CFAP46: variants seen among roughly 807,000 people sequenced by gnomAD.
CFAP46 encodes cilia and flagella associated protein 46, also known as cilia- and flagella-associated protein 46.
A neutral mutation model predicts 325.7 loss-of-function variants in CFAP46; 245 were observed. That is an observed-to-expected ratio of 0.75 (90% CI 0.68 to 0.84). The LOEUF is 0.84. Ranked by LOEUF, CFAP46 falls within the 40% of genes least tolerant of loss-of-function variation. The probability of loss-of-function intolerance (pLI) is 0.00; values close to 1 mark genes in which losing one functional copy is unlikely to be tolerated. For synonymous variants in CFAP46, 1,523 were observed against 1,495.9 expected (o/e 1.02, Z -0.42); for missense variants, 3,346 against 3,543.0 (o/e 0.94, Z 1.41).
At chr10:132,903,915 T>C (rs770110148) in intron 22 of CFAP46, among the ~76,000 whole-genome samples, 1 of 152,216 alleles carries the variant, frequency 6.6e-6, no homozygotes, top group Non-Finnish European at 1.5e-5. Flanking sequence ...ATGAAATGTA[T>C]AATATATATT....
intron 38 of CFAP46, among the ~76,000 whole-genome samples, chr10:132,858,068 T>A (rs927881191): frequency 2.0e-5 from 3 of 152,234 alleles, no homozygotes; most frequent in Non-Finnish European, 4.4e-5. Context: ...CTGGGTCTGA[T>A]CAGCTAACTG....
chr10:132,811,521 G>A (rs1402382561), intron 55 of CFAP46, among the ~76,000 whole-genome samples: 2 of 152,178 alleles, frequency 1.3e-5, no homozygotes, highest in Non-Finnish European at 2.9e-5. Flanking sequence ...GGAGCCCCGG[G>A]CACTGGGCAT....
rs534625946 is a variant in CFAP46 at position 132,912,785 on chromosome 10, A to T, written c.2369T>A (p.Leu790Ter). 6 of 1,550,094 alleles carry T rather than the reference A, an allele frequency of 3.9e-6. No homozygotes were observed. In the African/African-American group the frequency reaches 6.8e-5, roughly 18 times the overall value. ...PVMLVTLCNT[L>*]ARGLIISWIP... ...CCAGCTGATGATCAGGCCTCGCGCC[A>T]AGGTGTTGCAGAGCGTCACCAGCAT... The change falls in exon 19 of 58, where the codon TTG becomes TAG. Residue 790 changes from leucine (L) to a stop codon, truncating the protein, a stop_gained. Transcript: ENST00000368586. LOFTEE classifies it high-confidence loss of function.
Position 132,939,680 on chromosome 10 carries a change from C to T in CFAP46, c.372-927G>A, listed in dbSNP as rs1256583004. On this transcript the variant is annotated intron_variant, in intron 4 of 57. Transcript: ENST00000368586. This position sits in a 1 kb window ranked among gnomAD's most constrained non-coding sequence, Gnocchi z 4.6. ...GAGAGGAGCGGAGGTGCGGGGTGTC[C>T]TGACCAGACGGTCACGCCTGCTTGA... Among the ~76,000 whole-genome samples the T allele has an allele frequency of 6.6e-6, 1 of 152,126 alleles. No individual in the cohort carries two copies. Among genetic ancestry groups the T allele is most frequent in the Non-Finnish European group, 1.5e-5 (1 of 68,020 alleles).
intron 24 of CFAP46, among the ~76,000 whole-genome samples, chr10:132,895,982 T>C (rs1450672608): frequency 1.7e-5 from 1 of 57,222 alleles, no homozygotes; most frequent in Non-Finnish European, 2.8e-5. Context: ...CTGTGTGCCA[T>C]GAGACACGGC....
chr10:132,900,694 G>A (rs1450359399), intron 22 of CFAP46, among the ~76,000 whole-genome samples: 1 of 152,280 alleles, frequency 6.6e-6, no homozygotes, highest in Non-Finnish European at 1.5e-5. Flanking sequence ...CCTAGGCAGG[G>A]CAGGAAGGAG....
In CFAP46 at chr10:132,912,730, C is replaced by G. The variant is rs1005249914; in HGVS notation, c.2424G>C (p.Arg808Ser). The G allele has an allele frequency of 8.4e-6, 13 of 1,550,210 alleles. No homozygotes were observed. The highest frequency in any genetic ancestry group is 9.6e-6 in the Non-Finnish European group (11 of 1,146,984). Reference protein sequence around the residue: ...WIPVQAAEKSRKFMRPNAFHS... With the variant: ...WIPVQAAEKSSKFMRPNAFHS... Reference sequence around the variant, plus strand: ...GAAACGCGTTTGGTCGCATGAATTTCCTGGACTTCTCGGCAGCCTGGACTG... The same window carrying G: ...GAAACGCGTTTGGTCGCATGAATTTGCTGGACTTCTCGGCAGCCTGGACTG... The change falls in exon 19 of 58, where the codon AGG becomes AGC. Residue 808 changes from arginine (R) to serine (S), a missense_variant. Coordinates refer to ENST00000368586, the MANE Select transcript of CFAP46 (RefSeq NM_001200049.3).
intron 44 of CFAP46, among the ~76,000 whole-genome samples, chr10:132,839,771 C>T (rs1399565880): frequency 1.3e-5 from 2 of 152,110 alleles, no homozygotes; most frequent in African/African-American, 4.8e-5. Context: ...TGCGATTTGT[C>T]TCCTTTTCCT....
At position 132,884,739 on chromosome 10, in the gene CFAP46, G is replaced by A. The variant is rs901835757; in HGVS notation, c.3627+364C>T. ...TCTCCTGTGCAGCCACCCGCCCATC[G>A]GGGCCCCTGCCTGCTCTCCTCTGCA... On this transcript the variant is annotated intron_variant, in intron 27 of 57. Transcript: ENST00000368586. This position sits in a 1 kb window ranked among gnomAD's most constrained non-coding sequence, Gnocchi z 5.4. Among the ~76,000 whole-genome samples the A allele has an allele frequency of 2.0e-5, 3 of 152,012 alleles. No homozygotes were observed. Among genetic ancestry groups the A allele is most frequent in the African/African-American group, 2.4e-5 (1 of 41,480 alleles).
Position 132,869,460 on chromosome 10 carries a change from G to T in CFAP46, c.4512-88C>A. On this transcript the variant is annotated intron_variant, in intron 32 of 57. Coordinates refer to ENST00000368586, the MANE Select transcript of CFAP46 (RefSeq NM_001200049.3). The surrounding 1 kb of genome is among the most constrained non-coding windows in gnomAD (Gnocchi z 6.2). ...CTACTAGTGTGCTTCACAGAAAACG[G>T]TCAACTAACACATCGAGGCACACTT... 1 of 889,610 alleles carries T rather than the reference G, an allele frequency of 1.1e-6. No individual in the cohort carries two copies. The highest frequency in any genetic ancestry group is 1.6e-6 in the Non-Finnish European group (1 of 619,144). The allele number at this position is 889,610 out of a possible 1,614,324, so 55.1% of individuals were successfully genotyped here.
At chr10:132,905,450 CTTT>C (rs71013581) in intron 22 of CFAP46, among the ~76,000 whole-genome samples, 5 of 130,048 alleles carry the variant, frequency 3.8e-5, no homozygotes, top group Middle Eastern at 4.0e-3. Flanking sequence ...CATATCTTTC[CTTT>C]TTTTTTTTTT....
In CFAP46 at chr10:132,860,886, C is replaced by A; in HGVS notation, c.4987G>T (p.Ala1663Ser). The A allele has an allele frequency of 6.4e-7, 1 of 1,550,862 alleles. No homozygotes were observed. The highest frequency in any genetic ancestry group is 8.7e-7 in the Non-Finnish European group (1 of 1,147,052). ...CTTCCGCCCAGGTGCTGGGCCTGTG[C>A]GATCATTTTCTTGGCTTGTCCATAG... ...KNYGQAKKMIAQAQHLGGSEE... is the reference protein window; with the variant it reads ...KNYGQAKKMISQAQHLGGSEE... The change falls in exon 36 of 58, where the codon GCA becomes TCA. Residue 1663 changes from alanine to serine, a missense_variant. Transcript: ENST00000368586.
At position 132,851,176 on chromosome 10, in the gene CFAP46, G is replaced by A; in HGVS notation, c.5704C>T (p.Leu1902=). Residue 1902 remains leucine, a synonymous_variant, in exon 40 of 58, where the codon CTG becomes TTG. Transcript: ENST00000368586. ...AHGQQSEQGS[L]EKLLADYLQN... ...AGATAGTCCGCCAGCAGCTTCTCCA[G>A]GGACCCCTGCTCACTCTGCTGCCCG... 1.2e-6 allele frequency: 2 copies of A among 1,614,094 alleles called. No homozygotes were observed. Among genetic ancestry groups the A allele is most frequent in the East Asian group, 2.2e-5 (1 of 44,878 alleles).
At position 132,832,781 on chromosome 10, in the gene CFAP46, G is replaced by A. The variant is rs41306930; in HGVS notation, c.7117+577C>T. On this transcript the variant is annotated intron_variant, in intron 50 of 57. Coordinates refer to ENST00000368586, the MANE Select transcript of CFAP46 (RefSeq NM_001200049.3). This position sits in a 1 kb window ranked among gnomAD's most constrained non-coding sequence, Gnocchi z 4.1. ...CAGCCGAGGTCAGGGCCTTCCGCGC[G>A]CTCCCTCGTGCTTTTCACTGTCTGA... is the stretch of plus-strand genomic sequence containing the variant. 5,723 of 471,088 alleles carry A rather than the reference G, an allele frequency of 0.012. 50 individuals are homozygous for A. Among genetic ancestry groups the A allele is most frequent in the Non-Finnish European group, 0.017 (3,895 of 227,020 alleles). 29.2% of individuals were successfully genotyped at this position (471,088 alleles called of 1,614,324 possible). A position where few individuals can be genotyped will look rare whatever the true frequency, so the allele number is the denominator to read the frequency against.
rs544106938 is a variant in CFAP46, at chr10:132,846,439, C to T, written c.6268-212G>A. Among the ~76,000 whole-genome samples, 13 of 152,132 alleles carry T rather than the reference C, an allele frequency of 8.5e-5. 1 individual carries two copies. Among genetic ancestry groups the T allele is most frequent in the South Asian group, 4.2e-4 (2 of 4,800 alleles). On this transcript the variant is annotated intron_variant, in intron 43 of 57. Coordinates refer to ENST00000368586, the MANE Select transcript of CFAP46 (RefSeq NM_001200049.3). Reference sequence around the variant, plus strand: ...CTGTGGGACCTCTGTGAGGTCTGCACGGACAGGGCACTGCTGGCCTGTGAC... The same window carrying T: ...CTGTGGGACCTCTGTGAGGTCTGCATGGACAGGGCACTGCTGGCCTGTGAC...
In CFAP46 at chr10:132,874,407, G is replaced by A. The variant is rs374703683; in HGVS notation, c.4363-1583C>T. 7.1e-3 allele frequency among the ~76,000 whole-genome samples: 376 copies of A among 53,182 alleles called. 1 individual carries two copies. Among genetic ancestry groups the A allele is most frequent in the South Asian group, 0.027 (27 of 998 alleles). 34.9% of individuals were successfully genotyped at this position (53,182 alleles called of 152,430 possible). ...AAAGCATTCATGACTAAAATTATTA[G>A]CGAATAGAAATAAACTTCCTTCATC... is the stretch of plus-strand genomic sequence containing the variant. On this transcript the variant is annotated intron_variant, in intron 31 of 57. Transcript: ENST00000368586.
rs577587439 is a variant in CFAP46 at position 132,868,783 on chromosome 10, G to A, written c.4610+491C>T. ...TGTAAAAACTAATAAAAACAGAACC[G>A]TATACAATCATAGCACAGAAGTATT... On this transcript the variant is annotated intron_variant, in intron 33 of 57. Transcript: ENST00000368586. Among the ~76,000 whole-genome samples, 6 of 152,200 alleles carry A rather than the reference G, an allele frequency of 3.9e-5. No homozygotes were observed. The East Asian group carries it at 5.8e-4, about 15-fold the overall frequency.
chr10:132,875,554 G>A (rs985862055), intron 31 of CFAP46, among the ~76,000 whole-genome samples: 1 of 152,182 alleles, frequency 6.6e-6, no homozygotes, highest in African/African-American at 2.4e-5. Context: ...GAAAGCAAGA[G>A]AGACCCCAAA....
chr10:132,844,668 A>G (rs920457959), intron 44 of CFAP46, among the ~76,000 whole-genome samples: 3 of 152,148 alleles, frequency 2.0e-5, no homozygotes, highest in Non-Finnish European at 4.4e-5. Context: ...CCCTGCACTC[A>G]GTCCTGCACA....
Sources: allele counts gnomAD v4.1 joint callset (sites outside exome capture counted in the v4.1 genomes callset), GRCh38; gene constraint gnomAD v4.1.1; non-coding constraint Gnocchi (gnomAD v3.1); transcripts MANE v1.5; gene names NCBI Gene and HGNC (gene_info 2026-07-23, HGNC 2026-07-21).